The following ASTN2 variants were observed in gnomAD, a reference collection of about 807,000 sequenced individuals.
The protein encoded by ASTN2 is astrotactin 2.
In ASTN2, 54 loss-of-function variants were observed where a neutral mutation model predicts 139.8. The observed-to-expected ratio is 0.39, with a 90% CI of 0.31 to 0.48. ASTN2 has a LOEUF of 0.48. Among genes scored for constraint, ASTN2 ranks in the 20% least tolerant of loss-of-function variants. The pLI, the probability that ASTN2 is intolerant of heterozygous loss-of-function variation, is 0.95. For synonymous variants in ASTN2, 756 were observed against 719.5 expected, an observed-to-expected ratio of 1.05 and a Z score of -0.81; for missense variants, 1,565 against 1,725.1, an observed-to-expected ratio of 0.91 and a Z score of 1.64.
rs1397010247 is a variant in ASTN2, at chr9:116,424,223, T to C, written c.*1628A>G. Reference sequence around the variant, plus strand: ...TACCTCAATAAAGCTGTTTTAAAAATAGATAAATAAAGGGAGATTCCAGTG... The same window carrying C: ...TACCTCAATAAAGCTGTTTTAAAAACAGATAAATAAAGGGAGATTCCAGTG... On this transcript the variant is annotated 3_prime_UTR_variant, in exon 23 of 23. Coordinates refer to ENST00000313400, the MANE Select transcript of ASTN2 (RefSeq NM_001365068.1). Among the ~76,000 whole-genome samples, 2 of 152,168 alleles carry C rather than the reference T, an allele frequency of 1.3e-5. No homozygotes were observed. Among genetic ancestry groups the C allele is most frequent in the African/African-American group, 2.4e-5 (1 of 41,442 alleles).
chr9:116,627,016 G>A (rs568297600), intron 17 of ASTN2, among the ~76,000 whole-genome samples: 1 of 152,306 alleles, frequency 6.6e-6, no homozygotes, highest in South Asian at 2.1e-4. Flanking sequence ...AGGGGCTGGA[G>A]GCCCCATTCC....
At chr9:117,385,581 G>A (rs1830375298) in intron 1 of ASTN2, among the ~76,000 whole-genome samples, 1 of 152,114 alleles carries the variant, frequency 6.6e-6, no homozygotes, top group South Asian at 2.1e-4. Context: ...GCAGGAGTAG[G>A]AGGATAGGAA....
chr9:117,139,016 G>A (rs1274948139), intron 4 of ASTN2, among the ~76,000 whole-genome samples: 2 of 152,128 alleles, frequency 1.3e-5, no homozygotes, highest in African/African-American at 4.8e-5. Flanking sequence ...TGTTTAGAAT[G>A]TGATGTTAAA....
chr9:116,824,353 C>T (rs1349247364), intron 11 of ASTN2, among the ~76,000 whole-genome samples: 1 of 146,992 alleles, frequency 6.8e-6, no homozygotes, highest in African/African-American at 2.5e-5. Context: ...AAAGGTAGAT[C>T]ATAAGAGAGA....
At chr9:117,309,620 A>T (rs1339444678) in intron 1 of ASTN2, among the ~76,000 whole-genome samples, 1 of 152,194 alleles carries the variant, frequency 6.6e-6, no homozygotes, top group Non-Finnish European at 1.5e-5. Flanking sequence ...AGGTTATAGG[A>T]TTAGCAATCC....
intron 1 of ASTN2, among the ~76,000 whole-genome samples, chr9:117,317,745 T>C (rs1349511036): frequency 6.6e-6 from 1 of 152,122 alleles, no homozygotes; most frequent in South Asian, 2.1e-4. Flanking sequence ...AAGAAGAGAC[T>C]GGCTCATGAG....
At chr9:116,505,875 C>T (rs1459067502) in intron 19 of ASTN2, among the ~76,000 whole-genome samples, 1 of 152,160 alleles carries the variant, frequency 6.6e-6, no homozygotes, top group East Asian at 1.9e-4. Context: ...GAGCAGTCTA[C>T]ATTCAGCTAG....
intron 10 of ASTN2, among the ~76,000 whole-genome samples, chr9:116,891,090 A>T (rs1475931628): frequency 6.6e-6 from 1 of 152,130 alleles, no homozygotes; most frequent in Admixed American, 6.5e-5. Flanking sequence ...TATCTAATGT[A>T]TTCATTGTTC....
intron 12 of ASTN2, among the ~76,000 whole-genome samples, chr9:116,807,180 A>G (rs1049848588): frequency 1.6e-4 from 24 of 152,198 alleles, no homozygotes; most frequent in African/African-American, 5.8e-4. Flanking sequence ...TGTAGCAAAG[A>G]TTCATTGAAG....
Position 116,424,593 on chromosome 9 carries a change from C to CTT in ASTN2, c.*1256_*1257dup, listed in dbSNP as rs11451556. On this transcript the variant is annotated 3_prime_UTR_variant, in exon 23 of 23. Coordinates refer to ENST00000313400, the MANE Select transcript of ASTN2 (RefSeq NM_001365068.1). ...CTCTTCTTCCTGGAGCAAATTCCAT[C>CTT]TTTTTTTTTTTTTTTAAGTTGTCAC... is the stretch of plus-strand genomic sequence containing the variant. Among the ~76,000 whole-genome samples the CTT allele has an allele frequency of 2.6e-3, 377 of 142,518 alleles. 3 individuals carry two copies. Among genetic ancestry groups the CTT allele is most frequent in the South Asian group, 4.1e-3 (18 of 4,422 alleles). The allele number at this position is 142,518 out of a possible 152,430, so 93.5% of individuals were successfully genotyped here.
chr9:116,625,494 C>T lies in ASTN2; in HGVS notation c.3073-5051G>A, dbSNP rs1856402626. ...TGCTGTCTCCCTGGTGCCGCCCATTCTATAGGCACTTGCCGTGGCCTTTGG... is the reference window on the plus strand; with the variant it reads ...TGCTGTCTCCCTGGTGCCGCCCATTTTATAGGCACTTGCCGTGGCCTTTGG... On this transcript the variant is annotated intron_variant, in intron 17 of 22. Coordinates refer to ENST00000313400, the MANE Select transcript of ASTN2 (RefSeq NM_001365068.1). Among the ~76,000 whole-genome samples the T allele has an allele frequency of 2.0e-5, 3 of 152,316 alleles. No individual in the cohort carries two copies. In the South Asian group the frequency reaches 6.2e-4, roughly 32 times the overall value.
At position 116,508,799 on chromosome 9, in the gene ASTN2, A is replaced by G. The variant is rs564447939; in HGVS notation, c.3356-21299T>C. On this transcript the variant is annotated intron_variant, in intron 19 of 22. Coordinates refer to ENST00000313400, the MANE Select transcript of ASTN2 (RefSeq NM_001365068.1). ...TTTCCTCAGCATCTCTATACACAAG[A>G]CAAAAGGATAATTAGAGGGCAAAGA... Among the ~76,000 whole-genome samples the G allele has an allele frequency of 5.3e-5, 8 of 152,260 alleles. No homozygotes were observed. In the East Asian group the frequency reaches 1.5e-3, roughly 29 times the overall value.
At chr9:116,453,979 C>A (rs1429442216) in intron 20 of ASTN2, among the ~76,000 whole-genome samples, 1 of 152,184 alleles carries the variant, frequency 6.6e-6, no homozygotes, top group Non-Finnish European at 1.5e-5. Flanking sequence ...CCTGTTGTGA[C>A]CTTGGGTGAA....
intron 1 of ASTN2, among the ~76,000 whole-genome samples, chr9:117,329,615 G>T (rs1246271388): frequency 6.6e-6 from 1 of 152,136 alleles, no homozygotes; most frequent in African/African-American, 2.4e-5. Context: ...ATGACAAAGG[G>T]GGGTGGACAT....
intron 3 of ASTN2, among the ~76,000 whole-genome samples, chr9:117,198,919 G>T (rs1821612060): frequency 6.6e-6 from 1 of 152,086 alleles, no homozygotes; most frequent in African/African-American, 2.4e-5. Context: ...TATGTTTGTT[G>T]GCTGCATAAA....
intron 19 of ASTN2, among the ~76,000 whole-genome samples, chr9:116,500,752 A>G (rs1849826737): frequency 6.6e-6 from 1 of 152,200 alleles, no homozygotes; most frequent in African/African-American, 2.4e-5. Flanking sequence ...GAATCAATGA[A>G]CTCAAATAAG....
intron 13 of ASTN2, among the ~76,000 whole-genome samples, chr9:116,759,068 A>C (rs1829606447): frequency 6.6e-6 from 1 of 152,056 alleles, no homozygotes; most frequent in Non-Finnish European, 1.5e-5. Context: ...TGTAGAGACA[A>C]GGTCTCCACA....
intron 19 of ASTN2, among the ~76,000 whole-genome samples, chr9:116,577,618 T>C (rs185289444): frequency 6.6e-6 from 1 of 152,092 alleles, no homozygotes; most frequent in Non-Finnish European, 1.5e-5. Flanking sequence ...AGTGTCTGAG[T>C]TGAGTTGAAG....
At chr9:116,963,742 G>T (rs1835930751) in intron 10 of ASTN2, among the ~76,000 whole-genome samples, 1 of 152,186 alleles carries the variant, frequency 6.6e-6, no homozygotes, top group Admixed American at 6.5e-5. Flanking sequence ...TGCTCAGGAG[G>T]CTGACTTTGA....
Sources: allele counts gnomAD v4.1 joint callset (sites outside exome capture counted in the v4.1 genomes callset), GRCh38; gene constraint gnomAD v4.1.1; transcripts MANE v1.5; gene names NCBI Gene and HGNC (gene_info 2026-07-23, HGNC 2026-07-21).